Variants in GSK3B observed in about 807,000 individuals in gnomAD.
GSK3B encodes the protein glycogen synthase kinase 3 beta.
A neutral mutation model predicts 56.4 loss-of-function variants in GSK3B; 15 were observed. The ratio of observed to expected loss-of-function variants is 0.27; its 90% CI spans 0.18 to 0.41. The LOEUF is 0.41. Among genes scored for constraint, GSK3B ranks in the 10% least tolerant of loss-of-function variants. The pLI, the probability that GSK3B is intolerant of heterozygous loss-of-function variation, is 1.00. For missense variants in GSK3B, 300 were observed against 513.4 expected (o/e 0.58, Z 4.02); for synonymous variants, 181 against 188.9 (o/e 0.96, Z 0.34).
intron 1 of GSK3B, among the ~76,000 whole-genome samples, chr3:120,016,742 A>C (rs1283290870): frequency 1.3e-5 from 2 of 152,198 alleles, no homozygotes; most frequent in African/African-American, 4.8e-5. Context: ...ACCAAATTTT[A>C]CTTTAAACCA....
chr3:119,832,166 G>A (rs980237800), intron 10 of GSK3B, among the ~76,000 whole-genome samples: 7 of 152,210 alleles, frequency 4.6e-5, no homozygotes, highest in Non-Finnish European at 1.0e-4. Context: ...TAGTCTAGGG[G>A]AAGCCAGCTG....
intron 1 of GSK3B, among the ~76,000 whole-genome samples, chr3:120,024,844 A>G (rs911035958): frequency 6.6e-6 from 1 of 152,164 alleles, no homozygotes; most frequent in Non-Finnish European, 1.5e-5. Context: ...AAGCGATAAC[A>G]TTAATGGCAG....
chr3:119,852,973 G>T (rs2055960789), intron 9 of GSK3B, among the ~76,000 whole-genome samples: 1 of 152,132 alleles, frequency 6.6e-6, no homozygotes, highest in African/African-American at 2.4e-5. Context: ...ATTGCTTTTG[G>T]TGTTTTAGTC....
intron 10 of GSK3B, among the ~76,000 whole-genome samples, chr3:119,829,427 C>T (rs1049823767): frequency 1.2e-4 from 19 of 152,148 alleles, no homozygotes; most frequent in African/African-American, 3.6e-4. Flanking sequence ...TGGTCTTCCC[C>T]AGGACTTATG....
At chr3:119,987,023 G>A (rs1227212241) in intron 2 of GSK3B, among the ~76,000 whole-genome samples, 1 of 152,176 alleles carries the variant, frequency 6.6e-6, no homozygotes, top group Non-Finnish European at 1.5e-5. Flanking sequence ...CCTGTCCTTT[G>A]CAGGGACACA....
intron 1 of GSK3B, among the ~76,000 whole-genome samples, chr3:120,004,069 C>T (rs775039762): frequency 4.6e-5 from 7 of 152,244 alleles, no homozygotes; most frequent in Non-Finnish European, 1.0e-4. Flanking sequence ...CAATGCTCTT[C>T]GCAACAGGCA....
intron 1 of GSK3B, among the ~76,000 whole-genome samples, chr3:120,089,494 T>C (rs1283798847): frequency 6.6e-6 from 1 of 152,166 alleles, no homozygotes; most frequent in African/African-American, 2.4e-5. Flanking sequence ...ATACGGAAAC[T>C]CTAAGTTGCT....
chr3:119,946,250 A>G (rs1182432149), intron 3 of GSK3B, among the ~76,000 whole-genome samples: 1 of 152,150 alleles, frequency 6.6e-6, no homozygotes, highest in African/African-American at 2.4e-5. Context: ...CTTCCTATAT[A>G]ATAGGCACTG....
intron 4 of GSK3B, 85 bp downstream of exon 4, chr3:119,923,288 A>G (rs895271331): frequency 1.4e-5 from 10 of 692,204 alleles, no homozygotes; most frequent in Non-Finnish European, 2.3e-5. Flanking sequence ...ATTAAATACA[A>G]TAATATAGTT....
chr3:119,894,425 ACTGT>A (rs1157136237), intron 7 of GSK3B, among the ~76,000 whole-genome samples: 1 of 152,130 alleles, frequency 6.6e-6, no homozygotes, highest in Non-Finnish European at 1.5e-5. Context: ...AACATTAGTT[ACTGT>A]CTTTTTATTT....
chr3:119,930,106 CACACACACACACACACACGT>C (rs1164208483), intron 3 of GSK3B, among the ~76,000 whole-genome samples: 2 of 150,508 alleles, frequency 1.3e-5, no homozygotes, highest in African/African-American at 2.4e-5. Context: ...CACACACACA[CACACACACACACACACACGT>C]GCGCATGCAC....
At chr3:120,071,584 T>C (rs1370484682) in intron 1 of GSK3B, among the ~76,000 whole-genome samples, 1 of 152,162 alleles carries the variant, frequency 6.6e-6, no homozygotes, top group African/African-American at 2.4e-5. Flanking sequence ...GCACATTCCT[T>C]ATGAGAATCT....
intron 1 of GSK3B, among the ~76,000 whole-genome samples, chr3:120,018,375 T>A (rs1282673168): frequency 1.3e-5 from 2 of 152,116 alleles, no homozygotes; most frequent in Non-Finnish European, 2.9e-5. Flanking sequence ...TAGGGCCAAC[T>A]TTCCACATAC....
chr3:119,902,916 T>C (rs1206735619), intron 7 of GSK3B, among the ~76,000 whole-genome samples: 1 of 152,050 alleles, frequency 6.6e-6, no homozygotes, highest in Non-Finnish European at 1.5e-5. Flanking sequence ...GGTTTCGCCA[T>C]GTTCCCTAGG....
chr3:119,999,750 T>G (rs1275470744), intron 2 of GSK3B, among the ~76,000 whole-genome samples: 1 of 152,150 alleles, frequency 6.6e-6, no homozygotes, highest in Admixed American at 6.5e-5. Flanking sequence ...ATGCACAGAA[T>G]TTAGACAGCA....
intron 8 of GSK3B, among the ~76,000 whole-genome samples, chr3:119,869,246 A>AAAAAC (rs2056224344): frequency 2.0e-5 from 3 of 147,338 alleles, no homozygotes; most frequent in Admixed American, 6.7e-5. Flanking sequence ...AAAAAAAAAA[A>AAAAAC]CATATATTCT....
At chr3:120,047,128 C>A (rs761252477) in intron 1 of GSK3B, among the ~76,000 whole-genome samples, 1 of 152,154 alleles carries the variant, frequency 6.6e-6, no homozygotes, top group Admixed American at 6.5e-5. Context: ...AACCTTTTCA[C>A]GATAGGCAAA....
chr3:119,918,888 C>G (rs1278561211), intron 4 of GSK3B, among the ~76,000 whole-genome samples: 1 of 152,032 alleles, frequency 6.6e-6, no homozygotes, highest in Non-Finnish European at 1.5e-5. Flanking sequence ...AAATCCAATG[C>G]CCTCTTCTCT....
At chr3:119,891,831 T>C (rs1443004069) in intron 7 of GSK3B, among the ~76,000 whole-genome samples, 1 of 152,310 alleles carries the variant, frequency 6.6e-6, no homozygotes, top group African/African-American at 2.4e-5. Context: ...TATCTATTAC[T>C]AGAACTCATG....
Sources: gnomAD v4.1 joint callset for allele counts (sites outside exome capture counted in the v4.1 genomes callset) on GRCh38, gnomAD v4.1.1 for gene constraint, MANE v1.5 for transcripts, NCBI Gene and HGNC (gene_info 2026-07-23, HGNC 2026-07-21) for gene names.